CNTN4: variants seen among roughly 807,000 people sequenced by gnomAD.
CNTN4 encodes contactin-4.
Under a neutral mutation model 122.5 loss-of-function variants are expected in CNTN4, and 77 were observed. That is an observed-to-expected ratio of 0.63 (90% confidence interval 0.52 to 0.76). The LOEUF is 0.76. CNTN4 is among the 30% of genes least tolerant of loss of function. The pLI is 0.00. For synonymous variants in CNTN4, 512 were observed against 447.0 expected (o/e 1.15, Z -1.83); for missense variants, 1,256 against 1,259.1 (o/e 1.00, Z 0.04).
chr3:2,509,877 T>C (rs1331356238), intron 3 of CNTN4, among the ~76,000 whole-genome samples: 3 of 152,162 alleles, frequency 2.0e-5, no homozygotes, highest in Non-Finnish European at 4.4e-5. Flanking sequence ...ATAAAGACTC[T>C]TTCCCCACAA....
chr3:2,391,888 A>G (rs941995323), intron 3 of CNTN4, among the ~76,000 whole-genome samples: 1 of 152,196 alleles, frequency 6.6e-6, no homozygotes, highest in Non-Finnish European at 1.5e-5. Context: ...GTGGTAGTGA[A>G]GCTTCTTCGA....
chr3:2,105,934 G>A (rs1012279394), intron 2 of CNTN4, among the ~76,000 whole-genome samples: 25 of 152,312 alleles, frequency 1.6e-4, no homozygotes, highest in African/African-American at 6.0e-4. Flanking sequence ...CAGGCACTGG[G>A]TCAATGTTCC....
chr3:2,233,800 C>T (rs75368478), intron 2 of CNTN4, among the ~76,000 whole-genome samples: 3 of 152,130 alleles, frequency 2.0e-5, no homozygotes, highest in Non-Finnish European at 4.4e-5. Context: ...AAAGACTTTT[C>T]TAAGAAAGTC....
chr3:2,325,544 T>G (rs2043425205), intron 2 of CNTN4, among the ~76,000 whole-genome samples: 1 of 152,168 alleles, frequency 6.6e-6, no homozygotes, highest in Non-Finnish European at 1.5e-5. Context: ...CTTTTAGAAC[T>G]CCAACATTTC....
intron 6 of CNTN4, among the ~76,000 whole-genome samples, chr3:2,807,507 C>T (rs116224137): frequency 2.0e-3 from 304 of 151,244 alleles, no homozygotes; most frequent in African/African-American, 7.1e-3. Context: ...AAATTTTTAA[C>T]TGGTATACAG....
At chr3:2,868,328 T>A (rs922165740) in intron 8 of CNTN4, among the ~76,000 whole-genome samples, 1 of 152,218 alleles carries the variant, frequency 6.6e-6, no homozygotes, top group African/African-American at 2.4e-5. Context: ...CCAGCACCCA[T>A]GTCTTACTGA....
chr3:2,234,090 A>AT (rs1254982371), intron 2 of CNTN4, among the ~76,000 whole-genome samples: 1 of 152,094 alleles, frequency 6.6e-6, no homozygotes, highest in Non-Finnish European at 1.5e-5. Context: ...GCAACCTGCC[A>AT]TTTGACAAGA....
chr3:2,308,573 G>C (rs1178555), intron 2 of CNTN4, among the ~76,000 whole-genome samples: 42,241 of 151,574 alleles, frequency 0.28, 6,118 homozygotes, highest in East Asian at 0.52. Context: ...TTTAAGTTTT[G>C]GCATATTCTG....
intron 3 of CNTN4, among the ~76,000 whole-genome samples, chr3:2,541,932 C>G (rs2078047088): frequency 6.6e-6 from 1 of 152,070 alleles, no homozygotes; most frequent in Non-Finnish European, 1.5e-5. Flanking sequence ...AGTTGTGAAA[C>G]TAAAAGGCAC....
intron 13 of CNTN4, among the ~76,000 whole-genome samples, chr3:2,933,731 G>A (rs2094544878): frequency 6.6e-6 from 1 of 152,096 alleles, no homozygotes; most frequent in African/African-American, 2.4e-5. Context: ...ACACTGCCTG[G>A]CATAGCATAA....
chr3:2,250,383 G>A (rs2040328766), intron 2 of CNTN4, among the ~76,000 whole-genome samples: 1 of 151,796 alleles, frequency 6.6e-6, no homozygotes, highest in Non-Finnish European at 1.5e-5. Context: ...AACAAAATTA[G>A]ATTAAAATTT....
intron 3 of CNTN4, among the ~76,000 whole-genome samples, chr3:2,354,847 C>A (rs1398156700): frequency 6.6e-6 from 1 of 152,140 alleles, no homozygotes; most frequent in Non-Finnish European, 1.5e-5. Context: ...AGGTGAGAAT[C>A]CCACTTGACA....
intron 6 of CNTN4, among the ~76,000 whole-genome samples, chr3:2,802,852 C>G (rs1304304545): frequency 2.1e-5 from 3 of 141,154 alleles, no homozygotes; most frequent in African/African-American, 7.8e-5. Flanking sequence ...GAACACAAAA[C>G]TTTAATACTT....
At chr3:2,439,154 A>G (rs550249340) in intron 3 of CNTN4, among the ~76,000 whole-genome samples, 4 of 152,308 alleles carry the variant, frequency 2.6e-5, no homozygotes, top group African/African-American at 4.8e-5. Context: ...TAAAACAAAG[A>G]TAACTTTTAT....
At chr3:2,629,568 C>T (rs759324809) in intron 4 of CNTN4, 3 of 452,604 alleles carry the variant, frequency 6.6e-6, no homozygotes, top group Non-Finnish European at 1.3e-5. Flanking sequence ...GTGCTGCCAG[C>T]CTTGGAGGCT....
At chr3:2,359,725 G>A (rs1423160171) in intron 3 of CNTN4, among the ~76,000 whole-genome samples, 1 of 152,052 alleles carries the variant, frequency 6.6e-6, no homozygotes, top group Non-Finnish European at 1.5e-5. Context: ...ATTTTTAGTA[G>A]AGACAGGGTT....
chr3:2,513,517 G>A (rs772930915), intron 3 of CNTN4, among the ~76,000 whole-genome samples: 7 of 151,626 alleles, frequency 4.6e-5, no homozygotes, highest in Non-Finnish European at 7.4e-5. Context: ...TCAGGGTCCC[G>A]AACCCCTTTA....
rs1234565201 is a variant in CNTN4 at position 2,781,378 on chromosome 3, T to A, written c.358+35681T>A. On this transcript the variant is annotated intron_variant, in intron 6 of 24. Coordinates refer to ENST00000418658, the MANE Select transcript of CNTN4 (RefSeq NM_175607.3). ...GGGAAAAAGAGCAAGCATAATACTA[T>A]GCTGTGAATGAGATCTAAGCTGTAT... 3.3e-5 allele frequency among the ~76,000 whole-genome samples: 5 copies of A among 152,352 alleles called. No homozygotes were observed. In the South Asian group the frequency reaches 1.0e-3, roughly 32 times the overall value.
At chr3:2,466,970 C>CTTTTTTTTTTTTTTTTTTTTTTTTT (rs60879017) in intron 3 of CNTN4, among the ~76,000 whole-genome samples, 1 of 115,810 alleles carries the variant, frequency 8.6e-6, no homozygotes, top group African/African-American at 3.4e-5. Context: ...TTCTTTCTTT[C>CTTTTTTTTTTTTTTTTTTTTTTTTT]TTTTTTTTTT....
Sources: gnomAD v4.1 joint callset for allele counts (sites outside exome capture counted in the v4.1 genomes callset) on GRCh38, gnomAD v4.1.1 for gene constraint, MANE v1.5 for transcripts, NCBI Gene and HGNC (gene_info 2026-07-23, HGNC 2026-07-21) for gene names.